The following YEATS2 variants were observed in gnomAD, a reference collection of about 807,000 sequenced individuals.
The protein encoded by YEATS2 is YEATS domain containing 2, also known as YEATS domain-containing protein 2.
YEATS2 carries 77 observed loss-of-function variants against 163.2 expected under a neutral mutation model. The observed-to-expected ratio is 0.47, with a 90% CI of 0.39 to 0.57. The LOEUF (loss-of-function observed/expected upper bound fraction) is 0.57. Among genes scored for constraint, YEATS2 ranks in the 20% least tolerant of loss-of-function variants. The probability of loss-of-function intolerance (pLI) is 0.00; values close to 1 mark genes in which losing one functional copy is unlikely to be tolerated. For missense variants in YEATS2, 1,549 were observed against 1,729.8 expected, an observed-to-expected ratio of 0.90 and a Z score of 1.85; for synonymous variants, 631 against 645.1, an observed-to-expected ratio of 0.98 and a Z score of 0.33.
intron 27 of YEATS2, among the ~76,000 whole-genome samples, chr3:183,805,042 G>A (rs958675878): frequency 6.6e-5 from 10 of 151,464 alleles, no homozygotes; most frequent in African/African-American, 1.2e-4. Flanking sequence ...GGGCCATGGG[G>A]TGTAGGAGCA....
At chr3:183,783,074 A>G (rs765458256) in intron 19 of YEATS2, among the ~76,000 whole-genome samples, 1 of 152,220 alleles carries the variant, frequency 6.6e-6, no homozygotes, top group Non-Finnish European at 1.5e-5. Context: ...ATAAAGCTCC[A>G]ATGCAAATTA....
chr3:183,771,761 C>T (rs1365605898), intron 15 of YEATS2, among the ~76,000 whole-genome samples: 2 of 140,748 alleles, frequency 1.4e-5, no homozygotes, highest in Non-Finnish European at 3.0e-5. Flanking sequence ...GAGTCTCACT[C>T]TGTCACCCAG....
intron 21 of YEATS2, among the ~76,000 whole-genome samples, chr3:183,794,114 G>T (rs1577207417): frequency 6.6e-6 from 1 of 152,208 alleles, no homozygotes; most frequent in Non-Finnish European, 1.5e-5. Flanking sequence ...TCTGGGGGAA[G>T]CCACTGGAGG....
intron 15 of YEATS2, 98 bp from the exon 16 acceptor site, chr3:183,772,207 G>C (rs1722544749): frequency 6.5e-7 from 1 of 1,528,332 alleles, no homozygotes; most frequent in Non-Finnish European, 8.9e-7. Flanking sequence ...TAGGCTGCAT[G>C]TATTATGTGC....
chr3:183,763,576 G>C (rs148236891), intron 15 of YEATS2, among the ~76,000 whole-genome samples: 1 of 152,288 alleles, frequency 6.6e-6, no homozygotes, highest in African/African-American at 2.4e-5. Context: ...TGAGGAAACT[G>C]TGGCTCAGAG....
intron 7 of YEATS2, among the ~76,000 whole-genome samples, chr3:183,729,170 G>T (rs1717441598): frequency 1.3e-5 from 2 of 152,086 alleles, no homozygotes; most frequent in Admixed American, 1.3e-4. Flanking sequence ...CACTAGGGAG[G>T]CTGAGGCAGG....
chr3:183,779,847 G>A (rs1723383952), intron 19 of YEATS2, among the ~76,000 whole-genome samples: 2 of 151,666 alleles, frequency 1.3e-5, no homozygotes, highest in South Asian at 4.2e-4. Context: ...ACAGGTGCCC[G>A]CCACCATGTC....
intron 3 of YEATS2, 76 bp from the exon 4 acceptor site, chr3:183,718,424 C>G: frequency 9.5e-7 from 1 of 1,055,642 alleles, no homozygotes. Context: ...ATTCACGTTT[C>G]TTATTTTGTG....
intron 21 of YEATS2, among the ~76,000 whole-genome samples, chr3:183,796,148 A>ATTTTTTTTTTTTTTTTT (rs1176974770): frequency 7.3e-5 from 7 of 96,082 alleles, no homozygotes; most frequent in African/African-American, 3.0e-4. Flanking sequence ...ATGCCCGGCT[A>ATTTTTTTTTTTTTTTTT]TTTTTTTTTT....
chr3:183,735,715 G>C (rs945897147), intron 7 of YEATS2, among the ~76,000 whole-genome samples: 1 of 151,252 alleles, frequency 6.6e-6, no homozygotes, highest in Admixed American at 6.6e-5. Flanking sequence ...TTGAGATGGA[G>C]TCTTGCTCTG....
intron 9 of YEATS2, among the ~76,000 whole-genome samples, chr3:183,748,854 A>G (rs1464086780): frequency 6.6e-6 from 1 of 152,034 alleles, no homozygotes; most frequent in African/African-American, 2.4e-5. Context: ...CCACCTCAGC[A>G]TCCAAAAGCA....
intron 3 of YEATS2, 103 bp from the exon 4 acceptor site, chr3:183,718,397 G>A (rs1716129356): frequency 1.2e-6 from 1 of 818,042 alleles, no homozygotes; most frequent in African/African-American, 1.8e-5. Flanking sequence ...GAGAAGTTGA[G>A]CTTTTTTTTT....
At chr3:183,702,237 G>A (rs1309102331) in intron 1 of YEATS2, among the ~76,000 whole-genome samples, 1 of 152,122 alleles carries the variant, frequency 6.6e-6, no homozygotes, top group East Asian at 1.9e-4. Context: ...TTGAGGTCAA[G>A]CGTTCGAGAC....
chr3:183,784,962 A>T (rs1723917806), intron 19 of YEATS2, among the ~76,000 whole-genome samples: 1 of 151,798 alleles, frequency 6.6e-6, no homozygotes, highest in Non-Finnish European at 1.5e-5. Context: ...AATCGCAGCT[A>T]CTCGGGAGGC....
At chr3:183,709,877 T>C (rs1253990731) in intron 1 of YEATS2, among the ~76,000 whole-genome samples, 1 of 151,490 alleles carries the variant, frequency 6.6e-6, no homozygotes, top group Non-Finnish European at 1.5e-5. Flanking sequence ...AGACGGGGTT[T>C]CCCCATGTTA....
At chr3:183,756,443 C>T in intron 11 of YEATS2, 85 bp from the exon 12 acceptor site, 1 of 1,336,332 alleles carries the variant, frequency 7.5e-7, no homozygotes. Context: ...CCTGGTGGCA[C>T]TGACCTTCTT....
intron 7 of YEATS2, among the ~76,000 whole-genome samples, chr3:183,732,612 T>C (rs995798499): frequency 1.3e-5 from 2 of 151,774 alleles, no homozygotes; most frequent in African/African-American, 4.8e-5. Context: ...CAGGCTGGAG[T>C]GCAGTGGCGC....
chr3:183,730,751 A>G (rs1717696853), intron 7 of YEATS2, among the ~76,000 whole-genome samples: 1 of 151,776 alleles, frequency 6.6e-6, no homozygotes, highest in South Asian at 2.1e-4. Context: ...CTCTACCATA[A>G]CTCTTGCTGT....
chr3:183,725,789 G>A (rs1475958743), intron 6 of YEATS2, among the ~76,000 whole-genome samples: 1 of 152,188 alleles, frequency 6.6e-6, no homozygotes, highest in Non-Finnish European at 1.5e-5. Flanking sequence ...TGATTGGCAC[G>A]TCCAAAGCTG....
Sources: allele counts gnomAD v4.1 joint callset (sites outside exome capture counted in the v4.1 genomes callset), GRCh38; gene constraint gnomAD v4.1.1; transcripts MANE v1.5; gene names NCBI Gene and HGNC (gene_info 2026-07-23, HGNC 2026-07-21).